Variants in MEIKIN observed in about 807,000 individuals in gnomAD.
The protein encoded by MEIKIN is meiotic kinetochore factor, also known as meiosis-specific kinetochore protein.
intron 9 of MEIKIN, among the ~76,000 whole-genome samples, chr5:131,863,557 C>CCT (rs1491364068): frequency 1.0e-4 from 7 of 68,430 alleles, no homozygotes; most frequent in African/African-American, 5.4e-4. Flanking sequence ...CTTCTTTGTC[C>CCT]TTTTTTTTTT....
rs1031833617 is a variant in MEIKIN, at chr5:131,914,483, G to C, written c.638+2403C>G. Among the ~76,000 whole-genome samples, 6 of 138,882 alleles carry C rather than the reference G, an allele frequency of 4.3e-5. No individual in the cohort carries two copies. In the East Asian group the frequency reaches 1.4e-3, roughly 31 times the overall value. The allele number at this position is 138,882 out of a possible 152,430, so 91.1% of individuals were successfully genotyped here. ...GGGGAGAGAGAGAGAGAAAGAAAGA[G>C]AGAGAAAGAGGAGAAAAAGAAAAGA... On this transcript the variant is annotated intron_variant, in intron 7 of 12. Transcript: ENST00000442687.
At chr5:131,871,167 C>T (rs1468475338) in intron 9 of MEIKIN, among the ~76,000 whole-genome samples, 3 of 152,186 alleles carry the variant, frequency 2.0e-5, no homozygotes, top group African/African-American at 7.2e-5. Context: ...ACAGTGGGTG[C>T]AGTGCACCGT....
chr5:131,850,594 A>T (rs1750096465), intron 11 of MEIKIN, among the ~76,000 whole-genome samples: 1 of 152,204 alleles, frequency 6.6e-6, no homozygotes, highest in African/African-American at 2.4e-5. Flanking sequence ...TCTCTTCAAC[A>T]AATGATGCTG....
chr5:131,817,613 C>CAA (rs36057131), intron 12 of MEIKIN, among the ~76,000 whole-genome samples: 3,575 of 144,312 alleles, frequency 0.025, 88 homozygotes, highest in Admixed American at 0.052. Context: ...GAGAATCTGT[C>CAA]AAAAAAAAAA....
intron 4 of MEIKIN, among the ~76,000 whole-genome samples, chr5:131,938,161 C>A (rs1350412963): frequency 1.4e-5 from 2 of 145,100 alleles, no homozygotes; most frequent in Non-Finnish European, 3.0e-5. Context: ...TCGCCCCTCA[C>A]CCCCTTTTTT....
chr5:131,878,813 T>G (rs1750656573), intron 9 of MEIKIN, 165 bp downstream of exon 9: 1 of 371,198 alleles, frequency 2.7e-6, no homozygotes, highest in African/African-American at 2.1e-5. Flanking sequence ...AGTTCAAGGC[T>G]GTAGTGAGCT....
At chr5:131,853,862 G>A (rs1468245201) in intron 10 of MEIKIN, among the ~76,000 whole-genome samples, 1 of 152,174 alleles carries the variant, frequency 6.6e-6, no homozygotes, top group African/African-American at 2.4e-5. Flanking sequence ...CAAGGAAGTA[G>A]AGAAACTGGA....
At chr5:131,822,729 T>C (rs1429557359) in intron 11 of MEIKIN, among the ~76,000 whole-genome samples, 1 of 152,222 alleles carries the variant, frequency 6.6e-6, no homozygotes, top group Admixed American at 6.5e-5. Context: ...GTGATAACAA[T>C]GTTATACTAT....
intron 10 of MEIKIN, among the ~76,000 whole-genome samples, chr5:131,852,574 T>C (rs531258505): frequency 1.3e-5 from 2 of 152,058 alleles, no homozygotes; most frequent in South Asian, 4.1e-4. Flanking sequence ...AAACGCCACA[T>C]GTTATATGAT....
At position 131,854,750 on chromosome 5, in the gene MEIKIN, T is replaced by G. The variant is rs1444894749; in HGVS notation, c.855+4A>C. The G allele has an allele frequency of 5.0e-6, 2 of 397,664 alleles. No homozygotes were observed. The highest frequency in any genetic ancestry group is 4.1e-5 in the African/African-American group (2 of 48,598). 24.6% of individuals were successfully genotyped at this position (397,664 alleles called of 1,614,324 possible). A position where few individuals can be genotyped will look rare whatever the true frequency, so the allele number is the denominator to read the frequency against. On this transcript the variant is annotated splice_donor_region_variant and intron_variant, in intron 10 of 12. Coordinates refer to ENST00000442687, the MANE Select transcript of MEIKIN (RefSeq NM_001303622.2). ...TACTACAAGTGCCAAATGCTAATACTTACCACAAAACCAGCTGTCTCTGAA... is the reference window on the plus strand; with the variant it reads ...TACTACAAGTGCCAAATGCTAATACGTACCACAAAACCAGCTGTCTCTGAA...
At chr5:131,830,812 G>A (rs1201906317) in intron 11 of MEIKIN, among the ~76,000 whole-genome samples, 2 of 152,138 alleles carry the variant, frequency 1.3e-5, no homozygotes, top group Non-Finnish European at 2.9e-5. Flanking sequence ...TGTTTCTTGG[G>A]TGGAAGCCCA....
intron 11 of MEIKIN, among the ~76,000 whole-genome samples, chr5:131,834,796 G>A (rs114883252): frequency 7.2e-5 from 11 of 152,214 alleles, no homozygotes; most frequent in Non-Finnish European, 1.5e-4. Context: ...TTGAGATACC[G>A]ATTTCATTTC....
chr5:131,851,329 T>C lies in MEIKIN; in HGVS notation c.910A>G (p.Ser304Gly). The C allele has an allele frequency of 2.5e-6, 1 of 398,266 alleles. No individual in the cohort carries two copies. 24.7% of individuals were successfully genotyped at this position (398,266 alleles called of 1,614,324 possible). A position where few individuals can be genotyped will look rare whatever the true frequency, so the allele number is the denominator to read the frequency against. ...ASFEELFPNV[S>G]NYVNSNEIVP... The stretch of plus-strand genomic sequence containing the variant: ...ATTTCATTTGAATTAACATAATTGC[T>C]GACATTTGGAAATAGTTCTTCAAAA... Residue 304 changes from serine to glycine, a missense_variant, in exon 11 of 13, where the codon AGC becomes GGC. Ser to Gly is a moderately conservative substitution (Grantham distance 56). Transcript: ENST00000442687.
At chr5:131,912,893 T>G (rs974480450) in intron 7 of MEIKIN, among the ~76,000 whole-genome samples, 3 of 152,170 alleles carry the variant, frequency 2.0e-5, no homozygotes, top group African/African-American at 4.8e-5. Flanking sequence ...CAACCACCAT[T>G]GGTTTCATCT....
intron 8 of MEIKIN, among the ~76,000 whole-genome samples, chr5:131,896,718 G>C (rs1026444603): frequency 3.3e-5 from 5 of 151,452 alleles, no homozygotes; most frequent in African/African-American, 1.2e-4. Flanking sequence ...GCTTTTTCTC[G>C]CTTTCCATTT....
chr5:131,921,648 C>T (rs1186191403), intron 6 of MEIKIN, among the ~76,000 whole-genome samples, 174 bp downstream of exon 6: 1 of 152,174 alleles, frequency 6.6e-6, no homozygotes, highest in East Asian at 1.9e-4. Context: ...CATAGTGAGA[C>T]TCCATCTCAA....
At chr5:131,904,088 C>T (rs1488911014) in intron 8 of MEIKIN, among the ~76,000 whole-genome samples, 1 of 152,002 alleles carries the variant, frequency 6.6e-6, no homozygotes, top group East Asian at 1.9e-4. Context: ...CTAAGAAGGG[C>T]ATTATGGGGC....
intron 8 of MEIKIN, among the ~76,000 whole-genome samples, chr5:131,880,401 C>G (rs1750685324): frequency 1.1e-5 from 1 of 88,874 alleles, no homozygotes; most frequent in East Asian, 2.4e-4. Context: ...ACGTGCCCGG[C>G]CTATTTTTTT....
intron 9 of MEIKIN, among the ~76,000 whole-genome samples, chr5:131,871,109 G>A (rs1488178796): frequency 6.6e-6 from 1 of 152,222 alleles, no homozygotes; most frequent in Admixed American, 6.5e-5. Flanking sequence ...ATTTCCAACT[G>A]AGGTACCCGG....
Sources: gnomAD v4.1 joint callset for allele counts (sites outside exome capture counted in the v4.1 genomes callset) on GRCh38, gnomAD v4.1.1 for gene constraint, MANE v1.5 for transcripts, NCBI Gene and HGNC (gene_info 2026-07-23, HGNC 2026-07-21) for gene names.